The following STXBP5L variants were observed in gnomAD, a reference collection of about 807,000 sequenced individuals.
STXBP5L encodes the protein syntaxin-binding protein 5-like.
STXBP5L carries 65 observed loss-of-function variants against 144.5 expected under a neutral mutation model. That is an observed-to-expected ratio of 0.45 (90% confidence interval 0.37 to 0.55). The LOEUF (loss-of-function observed/expected upper bound fraction) is 0.55. Among genes scored for constraint, STXBP5L ranks in the 20% least tolerant of loss-of-function variants. The probability of loss-of-function intolerance (pLI) is 0.00; values close to 1 mark genes in which losing one functional copy is unlikely to be tolerated. For synonymous variants in STXBP5L, 505 were observed against 469.6 expected (o/e 1.08, Z -0.97); for missense variants, 1,298 against 1,405.5 (o/e 0.92, Z 1.22).
At chr3:120,972,838 A>G (rs145120163) in intron 3 of STXBP5L, among the ~76,000 whole-genome samples, 3 of 151,940 alleles carry the variant, frequency 2.0e-5, no homozygotes, top group African/African-American at 4.8e-5. Context: ...GGTAGTTTTT[A>G]TGTTTTTAAT....
At chr3:121,302,889 A>T (rs999302039) in intron 19 of STXBP5L, among the ~76,000 whole-genome samples, 6 of 152,212 alleles carry the variant, frequency 3.9e-5, no homozygotes, top group Non-Finnish European at 8.8e-5. Context: ...TTCAAGATGG[A>T]TTAAAGACTT....
In STXBP5L at chr3:121,322,871, T is replaced by A. The variant is rs1577457265; in HGVS notation, c.2176+4331T>A. Among the ~76,000 whole-genome samples, 5 of 152,352 alleles carry A rather than the reference T, an allele frequency of 3.3e-5. No homozygotes were observed. In the South Asian group the frequency reaches 1.0e-3, roughly 32 times the overall value. ...CACCAGCATCTGTTGTTTGTTGACT[T>A]TTTAATAACAGCTATTCTGACTGGT... On this transcript the variant is annotated intron_variant, in intron 20 of 26. Transcript: ENST00000471454.
intron 5 of STXBP5L, among the ~76,000 whole-genome samples, chr3:121,098,911 G>A (rs531699546): frequency 6.6e-6 from 1 of 152,122 alleles, no homozygotes; most frequent in South Asian, 2.1e-4. Flanking sequence ...TCCATTTCAG[G>A]CACATTATCA....
At chr3:121,180,557 A>T (rs2047101565) in intron 9 of STXBP5L, among the ~76,000 whole-genome samples, 1 of 152,238 alleles carries the variant, frequency 6.6e-6, no homozygotes, top group Non-Finnish European at 1.5e-5. Flanking sequence ...GTATTTAGGC[A>T]ATAACTTACA....
chr3:121,410,423 G>T (rs1321012101), intron 23 of STXBP5L, among the ~76,000 whole-genome samples: 1 of 152,016 alleles, frequency 6.6e-6, no homozygotes, highest in Non-Finnish European at 1.5e-5. Flanking sequence ...TACATAAAGT[G>T]TAGCTAGGAA....
At chr3:120,989,688 A>G (rs1425724796) in intron 3 of STXBP5L, among the ~76,000 whole-genome samples, 1 of 152,120 alleles carries the variant, frequency 6.6e-6, no homozygotes, top group African/African-American at 2.4e-5. Context: ...TTTACGTATT[A>G]CGTATTTTGA....
chr3:121,334,446 A>T (rs2044432876), intron 20 of STXBP5L, among the ~76,000 whole-genome samples: 1 of 152,074 alleles, frequency 6.6e-6, no homozygotes, highest in Non-Finnish European at 1.5e-5. Flanking sequence ...CAACAACAAA[A>T]AAAGAAAACT....
intron 2 of STXBP5L, among the ~76,000 whole-genome samples, chr3:120,930,224 A>G (rs1709859745): frequency 1.3e-5 from 2 of 148,650 alleles, no homozygotes; most frequent in Middle Eastern, 3.5e-3. Flanking sequence ...AGACTCTGGT[A>G]CTTTGTCATA....
chr3:120,929,380 T>A (rs1297890312), intron 2 of STXBP5L, among the ~76,000 whole-genome samples: 4 of 152,224 alleles, frequency 2.6e-5, no homozygotes, highest in Non-Finnish European at 5.9e-5. Context: ...CTCTTGGTTA[T>A]ATTTTGGTAT....
intron 7 of STXBP5L, among the ~76,000 whole-genome samples, chr3:121,145,475 T>C (rs984488955): frequency 6.6e-6 from 1 of 151,932 alleles, no homozygotes; most frequent in African/African-American, 2.4e-5. Context: ...AAAAATATAA[T>C]TTAAAACATG....
chr3:120,919,102 C>G (rs2107577521), intron 2 of STXBP5L, among the ~76,000 whole-genome samples: 1 of 152,124 alleles, frequency 6.6e-6, no homozygotes, highest in Middle Eastern at 3.4e-3. Flanking sequence ...AGAAAAGTGT[C>G]ATAAAAGACA....
intron 9 of STXBP5L, among the ~76,000 whole-genome samples, chr3:121,194,707 C>T (rs1390668011): frequency 6.6e-6 from 1 of 152,028 alleles, no homozygotes; most frequent in East Asian, 1.9e-4. Flanking sequence ...CTGGGCTATT[C>T]TTTGTGAGAG....
At chr3:121,350,169 C>G (rs2045212216) in intron 20 of STXBP5L, among the ~76,000 whole-genome samples, 1 of 152,124 alleles carries the variant, frequency 6.6e-6, no homozygotes, top group African/African-American at 2.4e-5. Context: ...GACAAAATGT[C>G]TCAGCATTTA....
At chr3:120,974,925 A>G (rs969949052) in intron 3 of STXBP5L, among the ~76,000 whole-genome samples, 2 of 152,158 alleles carry the variant, frequency 1.3e-5, no homozygotes, top group African/African-American at 4.8e-5. Flanking sequence ...TACCAGTACC[A>G]TGCTGTTTTG....
chr3:121,114,067 G>T (rs1299507600), intron 5 of STXBP5L, among the ~76,000 whole-genome samples: 1 of 152,146 alleles, frequency 6.6e-6, no homozygotes, highest in East Asian at 1.9e-4. Context: ...TCTGACAAGA[G>T]ATAACTATGA....
chr3:121,187,885 G>T (rs1226056274), intron 9 of STXBP5L, among the ~76,000 whole-genome samples: 3 of 152,156 alleles, frequency 2.0e-5, no homozygotes, highest in Middle Eastern at 3.4e-3. Flanking sequence ...AAAAGCAGCG[G>T]TTGCAATCCT....
intron 20 of STXBP5L, among the ~76,000 whole-genome samples, chr3:121,352,773 A>T (rs980109609): frequency 1.3e-5 from 2 of 152,014 alleles, no homozygotes; most frequent in African/African-American, 4.8e-5. Context: ...TTTCAAAGGG[A>T]ATGCTTCCAA....
chr3:121,316,637 G>A (rs2043798563), intron 19 of STXBP5L, among the ~76,000 whole-genome samples: 1 of 152,108 alleles, frequency 6.6e-6, no homozygotes, highest in Non-Finnish European at 1.5e-5. Context: ...ATTTAGCGGA[G>A]GATTAGGTAC....
At chr3:120,978,558 CTCCA>C (rs1456152866) in intron 3 of STXBP5L, among the ~76,000 whole-genome samples, 1 of 152,234 alleles carries the variant, frequency 6.6e-6, no homozygotes, top group Non-Finnish European at 1.5e-5. Flanking sequence ...CAAAGTCATT[CTCCA>C]TCCAGGTTTG....
Sources: gnomAD v4.1 joint callset for allele counts (sites outside exome capture counted in the v4.1 genomes callset) on GRCh38, gnomAD v4.1.1 for gene constraint, MANE v1.5 for transcripts, NCBI Gene and HGNC (gene_info 2026-07-23, HGNC 2026-07-21) for gene names.